ITPR2: variants seen among roughly 807,000 people sequenced by gnomAD.
ITPR2 encodes the protein inositol 1,4,5-trisphosphate-gated calcium channel ITPR2.
Under a neutral mutation model 317.1 loss-of-function variants are expected in ITPR2, and 207 were observed. The observed-to-expected ratio is 0.65, with a 90% CI of 0.58 to 0.73. The LOEUF (loss-of-function observed/expected upper bound fraction) is 0.73, where lower values mean the gene tolerates loss of function less well. Ranked by LOEUF, ITPR2 falls within the 30% of genes least tolerant of loss-of-function variation. The pLI is 0.00. For missense variants in ITPR2, 2,613 were observed against 3,284.0 expected, an observed-to-expected ratio of 0.80 and a Z score of 4.99; for synonymous variants, 1,156 against 1,149.1, an observed-to-expected ratio of 1.01 and a Z score of -0.12.
chr12:26,772,225 A>G (rs1250187588), intron 2 of ITPR2, among the ~76,000 whole-genome samples: 1 of 151,434 alleles, frequency 6.6e-6, no homozygotes, highest in East Asian at 1.9e-4. Flanking sequence ...TGGGCCCAAC[A>G]AGTCTACATG....
At chr12:26,673,611 A>C (rs1947840939) in intron 13 of ITPR2, among the ~76,000 whole-genome samples, 3 of 151,592 alleles carry the variant, frequency 2.0e-5, no homozygotes, top group Middle Eastern at 3.4e-3. Flanking sequence ...AAAAACTGGA[A>C]GCATTCCCTT....
At position 26,782,019 on chromosome 12, in the gene ITPR2, T is replaced by TATA. The variant is rs1950095431; in HGVS notation, c.163+8135_163+8137dup. On this transcript the variant is annotated intron_variant, in intron 2 of 56. Coordinates refer to ENST00000381340, the MANE Select transcript of ITPR2 (RefSeq NM_002223.4). ...ATATATATATATATATATATATATA[T>TATA]ATATATATATATATGTATAGAGAGA... Among the ~76,000 whole-genome samples the TATA allele has an allele frequency of 1.1e-4, 4 of 36,366 alleles. 1 individual carries two copies. Among genetic ancestry groups the TATA allele is most frequent in the African/African-American group, 3.9e-4 (4 of 10,306 alleles). 23.9% of individuals were successfully genotyped at this position (36,366 alleles called of 152,430 possible).
chr12:26,758,520 A>C (rs1027586540), intron 2 of ITPR2, among the ~76,000 whole-genome samples: 6 of 152,314 alleles, frequency 3.9e-5, no homozygotes, highest in East Asian at 1.9e-4. Flanking sequence ...AATGGTCCCC[A>C]AAAATTCCAA....
rs947785903 is a variant in ITPR2, at chr12:26,561,802, C to T, written c.4781G>A (p.Gly1594Glu). The change falls in exon 35 of 57, where the codon GGG (glycine) becomes GAG (glutamate). Residue 1594 changes from glycine to glutamate, a missense_variant. Gly to Glu is a moderately conservative substitution (Grantham distance 98). This residue lies in a region of ITPR2 where 926 missense variants were observed against 1,072.8 expected (regional missense o/e 0.86). Coordinates refer to ENST00000381340, the MANE Select transcript of ITPR2 (RefSeq NM_002223.4). Reference sequence around the variant, plus strand: ...AATATTTCTGTAATCCCAAGCAGGCCCTCCAAGAGCTTCCTTAAAGCGTGG... The same window carrying T: ...AATATTTCTGTAATCCCAAGCAGGCTCTCCAAGAGCTTCCTTAAAGCGTGG... The part of the protein sequence containing the change: ...SGPRFKEALG[G>E]PAWDYRNIIE... The T allele has an allele frequency of 1.3e-6, 2 of 1,586,916 alleles. No homozygotes were observed. The highest frequency in any genetic ancestry group is 1.4e-5 in the African/African-American group (1 of 73,274).
At chr12:26,804,319 C>T (rs1950606033) in intron 1 of ITPR2, among the ~76,000 whole-genome samples, 1 of 152,198 alleles carries the variant, frequency 6.6e-6, no homozygotes, top group African/African-American at 2.4e-5. Flanking sequence ...TAAGACATTT[C>T]TGTGCACAAA....
At chr12:26,565,890 A>G (rs1591907095) in intron 34 of ITPR2, among the ~76,000 whole-genome samples, 2 of 19,288 alleles carry the variant, frequency 1.0e-4, no homozygotes, top group African/African-American at 4.0e-4. Flanking sequence ...AGGGGAGGGG[A>G]GGAGAGGAGA....
intron 49 of ITPR2, among the ~76,000 whole-genome samples, chr12:26,420,835 T>A (rs1940866287): frequency 6.6e-6 from 1 of 152,106 alleles, no homozygotes; most frequent in Non-Finnish European, 1.5e-5. Flanking sequence ...TAAACACCCC[T>A]AAAAATGGTG....
At chr12:26,752,252 A>G (rs915340291) in intron 2 of ITPR2, among the ~76,000 whole-genome samples, 2 of 152,220 alleles carry the variant, frequency 1.3e-5, no homozygotes, top group African/African-American at 4.8e-5. Context: ...TGTCAGAGGC[A>G]TTTAAACCAG....
chr12:26,602,776 A>C, intron 26 of ITPR2, 70 bp from the exon 27 acceptor site: 1 of 614,280 alleles, frequency 1.6e-6, no homozygotes. Flanking sequence ...CTTTTGTATT[A>C]AATAATAAAT....
chr12:26,656,606 C>G (rs118080397), intron 18 of ITPR2, 58 bp from the exon 19 acceptor site: 23,844 of 1,559,412 alleles, frequency 0.015, 228 homozygotes, highest in South Asian at 0.019. Flanking sequence ...CTTTAAACGT[C>G]ATAGTACCAA....
intron 21 of ITPR2, among the ~76,000 whole-genome samples, chr12:26,638,504 C>T (rs188590485): frequency 6.6e-6 from 1 of 152,240 alleles, no homozygotes; most frequent in East Asian, 1.9e-4. Context: ...CCAAAGGCAA[C>T]GATGCTCTTG....
At chr12:26,754,103 A>G (rs1054196024) in intron 2 of ITPR2, among the ~76,000 whole-genome samples, 22 of 152,360 alleles carry the variant, frequency 1.4e-4, no homozygotes, top group African/African-American at 5.0e-4. Context: ...GAAAAGTAAA[A>G]GGTATAATGC....
intron 52 of ITPR2, among the ~76,000 whole-genome samples, chr12:26,404,289 A>C (rs1388008182): frequency 2.0e-5 from 3 of 152,228 alleles, no homozygotes; most frequent in African/African-American, 7.2e-5. Flanking sequence ...CCATTAGACC[A>C]TAGAAATAGA....
chr12:26,491,692 A>T (rs1372805072), intron 39 of ITPR2, among the ~76,000 whole-genome samples: 2 of 152,124 alleles, frequency 1.3e-5, no homozygotes, highest in East Asian at 3.9e-4. Context: ...GGGCAGAATC[A>T]CAGAAGTTGG....
chr12:26,659,330 C>G, intron 15 of ITPR2, 45 bp from the exon 16 acceptor site: 1 of 1,512,498 alleles, frequency 6.6e-7, no homozygotes, highest in Non-Finnish European at 9.1e-7. Context: ...AAACAGCTTA[C>G]AAATAACAGG....
intron 37 of ITPR2, among the ~76,000 whole-genome samples, chr12:26,521,683 G>A (rs1175479395): frequency 6.6e-6 from 1 of 152,146 alleles, no homozygotes; most frequent in Non-Finnish European, 1.5e-5. Context: ...GAGATGCTCA[G>A]GGAGTCCCAT....
intron 2 of ITPR2, among the ~76,000 whole-genome samples, chr12:26,736,486 G>A (rs913096208): frequency 1.3e-5 from 2 of 152,030 alleles, no homozygotes; most frequent in South Asian, 2.1e-4. Flanking sequence ...TGATAGAGAG[G>A]AGCACCAAGG....
chr12:26,768,844 T>G (rs1215758938), intron 2 of ITPR2, among the ~76,000 whole-genome samples: 1 of 152,152 alleles, frequency 6.6e-6, no homozygotes, highest in South Asian at 2.1e-4. Context: ...TAAACAGAGC[T>G]GAAGCTTCTG....
At chr12:26,364,894 C>T (rs1000684034) in intron 55 of ITPR2, among the ~76,000 whole-genome samples, 2 of 152,148 alleles carry the variant, frequency 1.3e-5, no homozygotes, top group African/African-American at 4.8e-5. Context: ...GGACCTTTGT[C>T]CCCTAAGAGA....
Sources: gnomAD v4.1 joint callset for allele counts (sites outside exome capture counted in the v4.1 genomes callset) on GRCh38, gnomAD v4.1.1 for gene constraint, gnomAD v4.1.1 regional missense constraint, MANE v1.5 for transcripts, NCBI Gene and HGNC (gene_info 2026-07-23, HGNC 2026-07-21) for gene names.